GLI3: variants seen among roughly 807,000 people sequenced by gnomAD.
GLI3 encodes transcription activator GLI3.
Under a neutral mutation model 100.8 loss-of-function variants are expected in GLI3, and 20 were observed. That is an observed-to-expected ratio of 0.20 (90% CI 0.14 to 0.29). GLI3 has a LOEUF of 0.29. Ranked by LOEUF, GLI3 falls within the 10% of genes least tolerant of loss-of-function variation. GLI3 has a pLI of 1.00. For synonymous variants in GLI3, 938 were observed against 860.5 expected, an observed-to-expected ratio of 1.09 and a Z score of -1.58; for missense variants, 2,040 against 2,128.5, an observed-to-expected ratio of 0.96 and a Z score of 0.82.
At chr7:42,054,078 G>A (rs149623779) in intron 4 of GLI3, among the ~76,000 whole-genome samples, 9 of 152,270 alleles carry the variant, frequency 5.9e-5, no homozygotes, top group East Asian at 1.9e-4. Flanking sequence ...TGAGTCACTG[G>A]CATTTTGTTT....
intron 13 of GLI3, among the ~76,000 whole-genome samples, chr7:41,970,378 C>G (rs2128708866): frequency 6.6e-6 from 1 of 152,244 alleles, no homozygotes; most frequent in East Asian, 1.9e-4. Context: ...CATATACACA[C>G]ATAATATCTG....
chr7:42,225,330 C>T (rs1788561599), intron 1 of GLI3, among the ~76,000 whole-genome samples: 1 of 150,452 alleles, frequency 6.6e-6, no homozygotes, highest in African/African-American at 2.5e-5. Flanking sequence ...TTCACTAAAG[C>T]TTGTTTTTTT....
intron 3 of GLI3, among the ~76,000 whole-genome samples, chr7:42,078,527 G>A (rs1298054640): frequency 1.3e-5 from 2 of 152,118 alleles, no homozygotes; most frequent in African/African-American, 4.8e-5. Flanking sequence ...AAACTTCCCA[G>A]AGGACTATTT....
chr7:42,259,750 G>A (rs375746606), intron 1 of GLI3, among the ~76,000 whole-genome samples: 20 of 152,248 alleles, frequency 1.3e-4, no homozygotes, highest in African/African-American at 4.6e-4. Context: ...CTGACAATTA[G>A]CATTACCCAC....
chr7:42,026,547 GC>G, intron 7 of GLI3, 135 bp from the exon 8 acceptor site: 1 of 740,454 alleles, frequency 1.4e-6, no homozygotes, highest in Non-Finnish European at 2.4e-6. Context: ...TAGGATTATT[GC>G]CAAGCATCTT....
chr7:42,100,127 C>T (rs1043275909), intron 3 of GLI3, among the ~76,000 whole-genome samples: 1 of 152,244 alleles, frequency 6.6e-6, no homozygotes, highest in Non-Finnish European at 1.5e-5. Context: ...GTGTCTCCCA[C>T]TCCCAACCCC....
rs367855810 is a variant in GLI3 at position 41,964,477 on chromosome 7, G to T, written c.4596C>A (p.Ser1532=). 33 of 1,614,072 alleles carry T rather than the reference G, an allele frequency of 2.0e-5. No homozygotes were observed. The highest frequency in any genetic ancestry group is 8.3e-5 in the Admixed American group (5 of 60,016). Residue 1532 remains serine, a synonymous_variant, in exon 15 of 15, where the codon TCC becomes TCA. Coordinates refer to ENST00000395925, the MANE Select transcript of GLI3 (RefSeq NM_000168.6). ...GCGTGGTGAGGCGGGAGGAGCTATG[G>T]GAAAGGTTCTGAATGATACTTGGGC... ...ALSPSIIQNL[S]HSSSRLTTPR...
chr7:42,250,848 T>C (rs1789023477), intron 1 of GLI3, among the ~76,000 whole-genome samples: 1 of 152,198 alleles, frequency 6.6e-6, no homozygotes, highest in African/African-American at 2.4e-5. Flanking sequence ...CACGGACATT[T>C]ACCTCTGTAA....
intron 10 of GLI3, among the ~76,000 whole-genome samples, chr7:42,005,472 C>CAA (rs1261414603): frequency 8.6e-5 from 13 of 150,748 alleles, no homozygotes; most frequent in Admixed American, 8.6e-4. Context: ...CACACACACA[C>CAA]ACACACACAC....
intron 2 of GLI3, among the ~76,000 whole-genome samples, chr7:42,211,397 C>T (rs1216974502): frequency 6.6e-6 from 1 of 152,162 alleles, no homozygotes; most frequent in African/African-American, 2.4e-5. Context: ...TGCTCTCAAA[C>T]TTGCCAGGAT....
Position 42,148,337 on chromosome 7 carries a change from T to C in GLI3, c.256A>G (p.Ile86Val). 3 of 1,613,938 alleles carry C rather than the reference T, an allele frequency of 1.9e-6. No homozygotes were observed. The highest frequency in any genetic ancestry group is 2.5e-6 in the Non-Finnish European group (3 of 1,179,924). Residue 86 changes from isoleucine (I) to valine (V), a missense_variant, in exon 3 of 15, where the codon ATC becomes GTC. This residue lies in a region of GLI3 where 603 missense variants were observed against 690.9 expected (regional missense o/e 0.87). Coordinates refer to ENST00000395925, the MANE Select transcript of GLI3 (RefSeq NM_000168.6). ...AGGGACCCATGGATCTCTTTCTTGATCAATGAGGCCCTCTCGTCACTCGAT... is the reference window on the plus strand; with the variant it reads ...AGGGACCCATGGATCTCTTTCTTGACCAATGAGGCCCTCTCGTCACTCGAT... Reference protein sequence around the residue: ...STSSDERASLIKKEIHGSLPH... With the variant: ...STSSDERASLVKKEIHGSLPH...
At chr7:41,987,195 G>C (rs1409247886) in intron 10 of GLI3, among the ~76,000 whole-genome samples, 1 of 151,888 alleles carries the variant, frequency 6.6e-6, no homozygotes, top group East Asian at 1.9e-4. Context: ...GTGAGACAGA[G>C]TCTTGCTCTG....
intron 2 of GLI3, chr7:42,151,801 G>A (rs990553310): frequency 6.6e-6 from 1 of 152,098 alleles, no homozygotes; most frequent in Non-Finnish European, 1.5e-5. Context: ...CCCCCAGAGA[G>A]CTGCCCAAAG....
chr7:42,112,537 A>T (rs1785738036), intron 3 of GLI3, among the ~76,000 whole-genome samples: 2 of 152,224 alleles, frequency 1.3e-5, no homozygotes, highest in Admixed American at 1.3e-4. Context: ...AATTACTCTG[A>T]TGTGATTATT....
At chr7:42,156,331 G>A (rs1452355111) in intron 2 of GLI3, among the ~76,000 whole-genome samples, 1 of 152,200 alleles carries the variant, frequency 6.6e-6, no homozygotes, top group Non-Finnish European at 1.5e-5. Context: ...TGCTTACACA[G>A]AGTGAGTTAA....
chr7:42,038,017 G>C lies in GLI3; in HGVS notation c.1028+2021C>G, dbSNP rs113708845. 6.2e-4 allele frequency among the ~76,000 whole-genome samples: 94 copies of C among 152,346 alleles called. 1 individual carries two copies. Among genetic ancestry groups the C allele is most frequent in the African/African-American group, 2.1e-3 (87 of 41,576 alleles). Reference sequence around the variant, plus strand: ...AGAGCAAGAGGAAAGAAAAAGTAAAGAGAAACAAGAGAAGTGAATGTTCAT... The same window carrying C: ...AGAGCAAGAGGAAAGAAAAAGTAAACAGAAACAAGAGAAGTGAATGTTCAT... On this transcript the variant is annotated intron_variant, in intron 7 of 14. Coordinates refer to ENST00000395925, the MANE Select transcript of GLI3 (RefSeq NM_000168.6).
At position 42,219,132 on chromosome 7, in the gene GLI3, G is replaced by C. The variant is rs563818855; in HGVS notation, c.124+3998C>G. 3.9e-5 allele frequency among the ~76,000 whole-genome samples: 6 copies of C among 152,260 alleles called. No individual in the cohort carries two copies. The East Asian group carries it at 9.6e-4, about 24-fold the overall frequency. The stretch of plus-strand genomic sequence containing the variant: ...ACAGTCTTCACACATTAATGGACTT[G>C]GACATTTTAAAGTCAACAATTATAC... On this transcript the variant is annotated intron_variant, in intron 2 of 14. Coordinates refer to ENST00000395925, the MANE Select transcript of GLI3 (RefSeq NM_000168.6).
intron 3 of GLI3, among the ~76,000 whole-genome samples, chr7:42,085,329 A>G (rs1785081757): frequency 6.6e-6 from 1 of 152,208 alleles, no homozygotes; most frequent in South Asian, 2.1e-4. Flanking sequence ...CTGCTGCAAA[A>G]AGAGCTTTCA....
rs894906026 is a variant in GLI3 at position 41,962,926 on chromosome 7, T to G, written c.*1404A>C. 11 of 152,342 alleles carry G rather than the reference T, an allele frequency of 7.2e-5. No individual in the cohort carries two copies. Among genetic ancestry groups the G allele is most frequent in the Middle Eastern group, 6.8e-3 (2 of 294 alleles). 9.4% of individuals were successfully genotyped at this position (152,342 alleles called of 1,614,324 possible). A position where few individuals can be genotyped will look rare whatever the true frequency, so the allele number is the denominator to read the frequency against. On this transcript the variant is annotated 3_prime_UTR_variant, in exon 15 of 15. Coordinates refer to ENST00000395925, the MANE Select transcript of GLI3 (RefSeq NM_000168.6). ...TGCTGGAAAATCCATGTACTCTTTG[T>G]GCACACACAGTATGACTTTTATGTG... is the stretch of plus-strand genomic sequence containing the variant.
Sources: allele counts gnomAD v4.1 joint callset (sites outside exome capture counted in the v4.1 genomes callset), GRCh38; gene constraint gnomAD v4.1.1; regional missense constraint gnomAD v4.1.1; transcripts MANE v1.5; gene names NCBI Gene and HGNC (gene_info 2026-07-23, HGNC 2026-07-21).